The following CHST11 variants were observed in gnomAD, a reference collection of about 807,000 sequenced individuals.
The protein encoded by CHST11 is C4S-1.
In CHST11, 9 loss-of-function variants were observed where a neutral mutation model predicts 30.4. The observed-to-expected ratio is 0.30, with a 90% CI of 0.18 to 0.52. The LOEUF is 0.52. Among genes scored for constraint, CHST11 ranks in the 20% least tolerant of loss-of-function variants. The pLI, the probability that CHST11 is intolerant of heterozygous loss-of-function variation, is 0.97. For synonymous variants in CHST11, 152 were observed against 187.8 expected (o/e 0.81, Z 1.56); for missense variants, 348 against 460.6 (o/e 0.76, Z 2.24).
intron 1 of CHST11, among the ~76,000 whole-genome samples, chr12:104,576,352 T>TA (rs1158715616): frequency 2.0e-5 from 3 of 152,038 alleles, no homozygotes; most frequent in Non-Finnish European, 4.4e-5. Flanking sequence ...CCAGGGCAGG[T>TA]ATTAGCAGGC....
At chr12:104,473,248 A>G (rs1055433398) in intron 1 of CHST11, among the ~76,000 whole-genome samples, 8 of 152,196 alleles carry the variant, frequency 5.3e-5, no homozygotes, top group Non-Finnish European at 8.8e-5. Context: ...AGTGCAAAGT[A>G]AGAAAGAGCT....
At chr12:104,488,693 ATGTG>A (rs1229247614) in intron 1 of CHST11, among the ~76,000 whole-genome samples, 4 of 128,256 alleles carry the variant, frequency 3.1e-5, no homozygotes, top group African/African-American at 6.4e-5. Flanking sequence ...GTGTATGCGT[ATGTG>A]TGTGTATGTG....
At chr12:104,610,200 TC>T (rs2039047200) in intron 2 of CHST11, among the ~76,000 whole-genome samples, 2 of 152,170 alleles carry the variant, frequency 1.3e-5, no homozygotes, top group African/African-American at 2.4e-5. Context: ...TCTGTTATAC[TC>T]CCAATGCCTA....
In CHST11 at chr12:104,632,207, A is replaced by C. The variant is rs369126578; in HGVS notation, c.204+30216A>C. 7.2e-5 allele frequency among the ~76,000 whole-genome samples: 11 copies of C among 151,886 alleles called. No homozygotes were observed. The East Asian group carries it at 1.9e-3, about 27-fold the overall frequency. On this transcript the variant is annotated intron_variant, in intron 2 of 2. Transcript: ENST00000303694. ...CGTCTTCTGCCCCAAATGATGGATGAATAGAATTGGGGGTGATGATATGGG... is the reference window on the plus strand; with the variant it reads ...CGTCTTCTGCCCCAAATGATGGATGCATAGAATTGGGGGTGATGATATGGG...
chr12:104,739,961 G>A (rs1461263137), intron 2 of CHST11, among the ~76,000 whole-genome samples: 2 of 152,130 alleles, frequency 1.3e-5, no homozygotes, highest in African/African-American at 4.8e-5. Context: ...GACATCCTAG[G>A]GAGAGTAAAC....
chr12:104,657,210 C>T (rs2039552808), intron 2 of CHST11, among the ~76,000 whole-genome samples: 1 of 152,206 alleles, frequency 6.6e-6, no homozygotes, highest in African/African-American at 2.4e-5. Context: ...CTTCAATCCA[C>T]TATTTGCATG....
intron 2 of CHST11, among the ~76,000 whole-genome samples, chr12:104,670,337 C>T (rs2039678609): frequency 6.6e-6 from 1 of 152,178 alleles, no homozygotes; most frequent in African/African-American, 2.4e-5. Context: ...CTCTGCACGG[C>T]ACCCAGGGCA....
chr12:104,696,615 G>A (rs1023707174), intron 2 of CHST11, among the ~76,000 whole-genome samples: 12 of 151,736 alleles, frequency 7.9e-5, no homozygotes, highest in Admixed American at 5.3e-4. Context: ...GAAGTGAGCC[G>A]AGATCACGGT....
intron 1 of CHST11, among the ~76,000 whole-genome samples, chr12:104,532,678 A>G (rs930024660): frequency 6.6e-6 from 1 of 152,152 alleles, no homozygotes; most frequent in African/African-American, 2.4e-5. Flanking sequence ...GGGCCTGCCT[A>G]CTTTGCATAC....
intron 2 of CHST11, among the ~76,000 whole-genome samples, chr12:104,605,595 A>C: frequency 6.6e-6 from 1 of 151,070 alleles, no homozygotes; most frequent in East Asian, 1.9e-4. Flanking sequence ...ATAAAAAATA[A>C]AAAAAAAAGT....
intron 1 of CHST11, among the ~76,000 whole-genome samples, chr12:104,591,083 C>T (rs144167037): frequency 1.3e-5 from 2 of 152,072 alleles, no homozygotes; most frequent in East Asian, 3.9e-4. Flanking sequence ...GAGAGGGACT[C>T]CAGGCTGACA....
intron 1 of CHST11, among the ~76,000 whole-genome samples, chr12:104,541,425 C>T (rs1181090144): frequency 3.3e-5 from 5 of 152,116 alleles, no homozygotes; most frequent in Non-Finnish European, 7.4e-5. Flanking sequence ...ATAGTCATCT[C>T]GGTGCAGCTT....
At chr12:104,715,383 A>G (rs894343735) in intron 2 of CHST11, among the ~76,000 whole-genome samples, 8 of 152,130 alleles carry the variant, frequency 5.3e-5, no homozygotes, top group African/African-American at 1.9e-4. Context: ...CAAAAACACA[A>G]TAAAAAATAA....
intron 2 of CHST11, among the ~76,000 whole-genome samples, chr12:104,703,414 T>A (rs2040006491): frequency 6.6e-6 from 1 of 152,120 alleles, no homozygotes; most frequent in Non-Finnish European, 1.5e-5. Context: ...TGTGACATCC[T>A]CCTTTTCCAT....
At chr12:104,648,161 CTT>C (rs2039453395) in intron 2 of CHST11, among the ~76,000 whole-genome samples, 1 of 152,196 alleles carries the variant, frequency 6.6e-6, no homozygotes, top group African/African-American at 2.4e-5. Context: ...TGTGTATCCT[CTT>C]TCTGCAATAA....
intron 1 of CHST11, among the ~76,000 whole-genome samples, chr12:104,568,027 G>A (rs1356698130): frequency 1.3e-5 from 2 of 152,174 alleles, no homozygotes; most frequent in East Asian, 3.9e-4. Flanking sequence ...AGCAGGAGTA[G>A]ACTAAGACAG....
chr12:104,687,893 C>T (rs185403211), intron 2 of CHST11, among the ~76,000 whole-genome samples: 27 of 152,208 alleles, frequency 1.8e-4, no homozygotes, highest in Middle Eastern at 3.4e-3. Context: ...GTTTTCATAC[C>T]GTACCAGCAT....
At chr12:104,652,169 G>A (rs979915940) in intron 2 of CHST11, among the ~76,000 whole-genome samples, 1 of 152,168 alleles carries the variant, frequency 6.6e-6, no homozygotes, top group Non-Finnish European at 1.5e-5. Context: ...CAGGAAAAAT[G>A]TGAAGATTTT....
intron 1 of CHST11, among the ~76,000 whole-genome samples, chr12:104,521,919 G>A (rs142403455): frequency 0.015 from 2,288 of 152,230 alleles, 27 homozygotes; most frequent in Non-Finnish European, 0.024. Context: ...CTGAACTACA[G>A]GCTAATGAAA....
Sources: gnomAD v4.1 joint callset for allele counts (sites outside exome capture counted in the v4.1 genomes callset) on GRCh38, gnomAD v4.1.1 for gene constraint, MANE v1.5 for transcripts, NCBI Gene and HGNC (gene_info 2026-07-23, HGNC 2026-07-21) for gene names.